CTNND2: variants seen among roughly 807,000 people sequenced by gnomAD.
The protein encoded by CTNND2 is catenin delta-2.
In CTNND2, 22 loss-of-function variants were observed where a neutral mutation model predicts 144.4. The ratio of observed to expected loss-of-function variants is 0.15; its 90% CI spans 0.11 to 0.22. The LOEUF is 0.22. Among genes scored for constraint, CTNND2 ranks in the 10% least tolerant of loss-of-function variants. The probability of loss-of-function intolerance (pLI) is 1.00; values close to 1 mark genes in which losing one functional copy is unlikely to be tolerated. For synonymous variants in CTNND2, 751 were observed against 695.6 expected (o/e 1.08, Z -1.25); for missense variants, 1,353 against 1,618.8 (o/e 0.84, Z 2.82).
intron 2 of CTNND2, among the ~76,000 whole-genome samples, chr5:11,721,601 C>T (rs958695890): frequency 6.6e-6 from 1 of 152,232 alleles, no homozygotes; most frequent in East Asian, 1.9e-4. Flanking sequence ...CTGCTTCACA[C>T]AGCATTAGCT....
At chr5:11,783,084 GA>G (rs374857898) in intron 1 of CTNND2, among the ~76,000 whole-genome samples, 3,299 of 152,098 alleles carry the variant, frequency 0.022, 104 homozygotes, top group African/African-American at 0.076. Context: ...AAATTATGAA[GA>G]GGCTCATGGA....
intron 2 of CTNND2, among the ~76,000 whole-genome samples, chr5:11,572,512 A>G (rs1438472402): frequency 6.6e-6 from 1 of 151,954 alleles, no homozygotes; most frequent in Non-Finnish European, 1.5e-5. Flanking sequence ...GCCTCTCCAC[A>G]CCTGTTCCTG....
At chr5:11,077,880 G>A (rs570760473) in intron 16 of CTNND2, among the ~76,000 whole-genome samples, 1 of 152,318 alleles carries the variant, frequency 6.6e-6, no homozygotes, top group Non-Finnish European at 1.5e-5. Context: ...GATTGCATAC[G>A]AGTCAAAGAA....
intron 1 of CTNND2, among the ~76,000 whole-genome samples, chr5:11,821,833 C>T (rs180878531): frequency 1.7e-4 from 26 of 152,234 alleles, no homozygotes; most frequent in Admixed American, 4.6e-4. Flanking sequence ...ATTTCATTTA[C>T]TAGTGTTATT....
intron 1 of CTNND2, among the ~76,000 whole-genome samples, chr5:11,753,771 TAGAACTC>T (rs748213134): frequency 2.6e-5 from 4 of 151,780 alleles, no homozygotes; most frequent in African/African-American, 4.8e-5. Flanking sequence ...ATACACCTGA[TAGAACTC>T]AGATGTGAAT....
At chr5:11,304,092 A>G (rs1749909178) in intron 9 of CTNND2, among the ~76,000 whole-genome samples, 1 of 151,850 alleles carries the variant, frequency 6.6e-6, no homozygotes, top group Non-Finnish European at 1.5e-5. Context: ...AGTCCATTAA[A>G]TCTCTTTTTC....
Position 11,022,678 on chromosome 5 carries a change from CAGTCAT to C in CTNND2, c.2999+85_2999+90del, listed in dbSNP as rs1480628285. 3.5e-5 allele frequency: 32 copies of C among 915,786 alleles called. No homozygotes were observed. The African/African-American group carries it at 4.9e-4, about 14-fold the overall frequency. 56.7% of individuals were successfully genotyped at this position (915,786 alleles called of 1,614,324 possible). ...CTCAGAGACAAATGCTTTCCAGTGACAGTCATAGTACTACCCGTCATCAGGAGTTGA... is the reference window on the plus strand; with the variant it reads ...CTCAGAGACAAATGCTTTCCAGTGACAGTACTACCCGTCATCAGGAGTTGA... On this transcript the variant is annotated intron_variant, in intron 17 of 21. Coordinates refer to ENST00000304623, the MANE Select transcript of CTNND2 (RefSeq NM_001332.4).
At chr5:11,182,203 TGG>T (rs1735141110) in intron 11 of CTNND2, among the ~76,000 whole-genome samples, 2 of 142,582 alleles carry the variant, frequency 1.4e-5, no homozygotes, top group Non-Finnish European at 1.5e-5. Context: ...TATGTGTGTG[TGG>T]GTGTGTGTGT....
At chr5:11,424,098 G>T (rs1303460428) in intron 3 of CTNND2, among the ~76,000 whole-genome samples, 2 of 152,096 alleles carry the variant, frequency 1.3e-5, no homozygotes, top group East Asian at 3.8e-4. Flanking sequence ...AGTTTAATGG[G>T]TGCACAAATG....
chr5:11,567,864 A>G (rs1025649695), intron 2 of CTNND2, among the ~76,000 whole-genome samples: 1 of 152,168 alleles, frequency 6.6e-6, no homozygotes, highest in Non-Finnish European at 1.5e-5. Context: ...ATCTTTCAAC[A>G]CAGACATTTT....
chr5:11,889,758 T>G (rs191905752), intron 1 of CTNND2, among the ~76,000 whole-genome samples: 2 of 152,304 alleles, frequency 1.3e-5, no homozygotes, highest in African/African-American at 4.8e-5. Context: ...ACTCTTGAAG[T>G]CACAAGAATT....
intron 12 of CTNND2, among the ~76,000 whole-genome samples, chr5:11,130,262 C>G (rs374654563): frequency 6.6e-6 from 1 of 152,034 alleles, no homozygotes; most frequent in South Asian, 2.1e-4. Context: ...ATACCACACC[C>G]CCCCCATCCA....
intron 2 of CTNND2, among the ~76,000 whole-genome samples, chr5:11,600,882 G>A (rs897370611): frequency 1.3e-5 from 2 of 151,864 alleles, no homozygotes; most frequent in African/African-American, 4.9e-5. Context: ...GAAGGTACCA[G>A]TAGACATTGT....
intron 10 of CTNND2, among the ~76,000 whole-genome samples, chr5:11,228,114 G>T (rs926467568): frequency 6.6e-6 from 1 of 151,918 alleles, no homozygotes; most frequent in Admixed American, 6.6e-5. Flanking sequence ...GGGCAAGGCT[G>T]GTGGATCTCC....
chr5:11,812,097 T>A (rs1792365803), intron 1 of CTNND2, among the ~76,000 whole-genome samples: 1 of 152,128 alleles, frequency 6.6e-6, no homozygotes, highest in Non-Finnish European at 1.5e-5. Flanking sequence ...TTCCAAATAG[T>A]CAAAACTCCC....
intron 11 of CTNND2, among the ~76,000 whole-genome samples, chr5:11,183,218 A>G (rs890864821): frequency 6.6e-6 from 1 of 152,260 alleles, no homozygotes; most frequent in Non-Finnish European, 1.5e-5. Context: ...TATTAAATTG[A>G]TAGACTGCTT....
rs150966108 is a variant in CTNND2, at chr5:11,243,775, C to T, written c.1629-6952G>A. Among the ~76,000 whole-genome samples, 3 of 152,252 alleles carry T rather than the reference C, an allele frequency of 2.0e-5. No individual in the cohort carries two copies. In the East Asian group the frequency reaches 5.8e-4, roughly 29 times the overall value. On this transcript the variant is annotated intron_variant, in intron 9 of 21. Coordinates refer to ENST00000304623, the MANE Select transcript of CTNND2 (RefSeq NM_001332.4). ...ACAGTTCATGACTGTTCTGCTGGTA[C>T]GGAAACCAAAAAGTTGATGCATTGT...
intron 14 of CTNND2, among the ~76,000 whole-genome samples, chr5:11,106,493 C>T (rs938390724): frequency 6.6e-6 from 1 of 152,222 alleles, no homozygotes; most frequent in Non-Finnish European, 1.5e-5. Flanking sequence ...TACACCTTCC[C>T]GCCCATCAGT....
chr5:11,069,191 G>A (rs186239501), intron 16 of CTNND2, among the ~76,000 whole-genome samples: 33 of 152,342 alleles, frequency 2.2e-4, no homozygotes, highest in African/African-American at 6.7e-4. Context: ...AGGAGGAGAT[G>A]ACACTACTCT....
Sources: gnomAD v4.1 joint callset for allele counts (sites outside exome capture counted in the v4.1 genomes callset) on GRCh38, gnomAD v4.1.1 for gene constraint, MANE v1.5 for transcripts, NCBI Gene and HGNC (gene_info 2026-07-23, HGNC 2026-07-21) for gene names.